The following NKAIN3 variants were observed in gnomAD, a reference collection of about 807,000 sequenced individuals.
NKAIN3 encodes the protein sodium/potassium transporting ATPase interacting 3.
Under a neutral mutation model 30.2 loss-of-function variants are expected in NKAIN3, and 25 were observed. The observed-to-expected ratio is 0.83, with a 90% CI of 0.60 to 1.16. NKAIN3 has a LOEUF of 1.16. Among genes scored for constraint, NKAIN3 ranks in the 50% most tolerant of loss-of-function variants. The probability of loss-of-function intolerance (pLI) is 0.00; values close to 1 mark genes in which losing one functional copy is unlikely to be tolerated. For synonymous variants in NKAIN3, 91 were observed against 89.6 expected, an observed-to-expected ratio of 1.02 and a Z score of -0.09; for missense variants, 225 against 254.1, an observed-to-expected ratio of 0.89 and a Z score of 0.78.
At chr8:62,694,107 T>C (rs570728022) in intron 3 of NKAIN3, among the ~76,000 whole-genome samples, 1 of 152,320 alleles carries the variant, frequency 6.6e-6, no homozygotes, top group South Asian at 2.1e-4. Context: ...ATCTTCTAGC[T>C]ATTTTGAGAT....
intron 3 of NKAIN3, among the ~76,000 whole-genome samples, chr8:62,610,091 A>T (rs1475645883): frequency 1.3e-5 from 2 of 152,118 alleles, no homozygotes; most frequent in Admixed American, 6.5e-5. Flanking sequence ...CATGCCTATA[A>T]TCCCAGCACT....
At chr8:62,642,236 C>T (rs868305292) in intron 3 of NKAIN3, among the ~76,000 whole-genome samples, 1 of 152,198 alleles carries the variant, frequency 6.6e-6, no homozygotes, top group South Asian at 2.1e-4. Flanking sequence ...GCTTGAGGTT[C>T]CTACATGTCA....
At chr8:62,525,584 T>A (rs1207461007) in intron 1 of NKAIN3, among the ~76,000 whole-genome samples, 1 of 152,160 alleles carries the variant, frequency 6.6e-6, no homozygotes, top group African/African-American at 2.4e-5. Context: ...AATCATTCTA[T>A]CATAAAGGCA....
At chr8:62,404,459 G>C (rs1340535679) in intron 1 of NKAIN3, among the ~76,000 whole-genome samples, 1 of 152,112 alleles carries the variant, frequency 6.6e-6, no homozygotes, top group African/African-American at 2.4e-5. Flanking sequence ...TTGAATCACT[G>C]GGGTGGTTTC....
chr8:62,713,971 A>G (rs1296591824), intron 3 of NKAIN3, among the ~76,000 whole-genome samples: 2 of 152,274 alleles, frequency 1.3e-5, no homozygotes, highest in Non-Finnish European at 2.9e-5. Context: ...ATTTATCCAG[A>G]TAGTATAATA....
chr8:62,670,372 C>T (rs942629598), intron 3 of NKAIN3, among the ~76,000 whole-genome samples: 1 of 152,084 alleles, frequency 6.6e-6, no homozygotes, highest in Admixed American at 6.6e-5. Flanking sequence ...ACTCAGTACC[C>T]GTGTCTTGAA....
At position 62,974,122 on chromosome 8, in the gene NKAIN3, T is replaced by G. The variant is rs7003391; in HGVS notation, c.*8715T>G. Reference sequence around the variant, plus strand: ...ATGATGCCTCCAGCTTTGTTCTTTTTGCTTAGGATTGTTTTGGCTATATGG... The same window carrying G: ...ATGATGCCTCCAGCTTTGTTCTTTTGGCTTAGGATTGTTTTGGCTATATGG... On this transcript the variant is annotated 3_prime_UTR_variant, in exon 7 of 7. Coordinates refer to ENST00000623646, the MANE Select transcript of NKAIN3 (RefSeq NM_001304533.3). 0.027 allele frequency among the ~76,000 whole-genome samples: 4,090 copies of G among 152,272 alleles called. 192 individuals carry two copies. The highest frequency in any genetic ancestry group is 0.093 in the African/African-American group (3,877 of 41,540).
intron 4 of NKAIN3, among the ~76,000 whole-genome samples, chr8:62,814,362 C>T (rs1818600740): frequency 6.6e-6 from 1 of 151,008 alleles, no homozygotes; most frequent in African/African-American, 2.4e-5. Flanking sequence ...TAAACATTAA[C>T]AATTTGGTTA....
rs138573312 is a variant in NKAIN3 at position 62,600,938 on chromosome 8, A to G, written c.273+11144A>G. 1.3e-3 allele frequency among the ~76,000 whole-genome samples: 201 copies of G among 152,090 alleles called. 2 individuals carry two copies. The highest frequency in any genetic ancestry group is 3.4e-3 in the African/African-American group (143 of 41,534). On this transcript the variant is annotated intron_variant, in intron 3 of 6. Coordinates refer to ENST00000623646, the MANE Select transcript of NKAIN3 (RefSeq NM_001304533.3). ...CTTACTGGGAAAATTTTTTGTCTTG[A>G]TCAAGATTCATTTTCCTTCAAGGTT... is the stretch of plus-strand genomic sequence containing the variant.
intron 4 of NKAIN3, among the ~76,000 whole-genome samples, chr8:62,802,113 A>G (rs1441801589): frequency 6.6e-6 from 1 of 152,202 alleles, no homozygotes; most frequent in African/African-American, 2.4e-5. Flanking sequence ...GAAATATGGA[A>G]CTATGTGAAA....
At chr8:62,707,030 C>A (rs910872441) in intron 3 of NKAIN3, among the ~76,000 whole-genome samples, 21 of 150,604 alleles carry the variant, frequency 1.4e-4, no homozygotes, top group African/African-American at 5.2e-4. Flanking sequence ...CTTTTTATGG[C>A]TGCATAGTAT....
intron 1 of NKAIN3, among the ~76,000 whole-genome samples, chr8:62,518,289 G>A (rs1238339846): frequency 6.6e-6 from 1 of 152,162 alleles, no homozygotes; most frequent in African/African-American, 2.4e-5. Flanking sequence ...GAACCCAAGA[G>A]GCAGAGGTTG....
At chr8:62,783,447 A>T (rs1421521763) in intron 4 of NKAIN3, among the ~76,000 whole-genome samples, 1 of 152,070 alleles carries the variant, frequency 6.6e-6, no homozygotes, top group Non-Finnish European at 1.5e-5. Context: ...GTTGCCTATA[A>T]GTCACCCAGT....
intron 1 of NKAIN3, among the ~76,000 whole-genome samples, chr8:62,461,591 A>G (rs1806002927): frequency 1.3e-5 from 2 of 152,232 alleles, no homozygotes; most frequent in Admixed American, 6.5e-5. Context: ...CTAAAGTGTA[A>G]GAATGATATC....
At chr8:62,698,155 T>G (rs1005648871) in intron 3 of NKAIN3, among the ~76,000 whole-genome samples, 4 of 151,964 alleles carry the variant, frequency 2.6e-5, no homozygotes, top group Non-Finnish European at 2.9e-5. Context: ...AAAGTAAAAA[T>G]GGGGAGAATA....
At position 62,764,174 on chromosome 8, in the gene NKAIN3, T is replaced by C. The variant is rs528813584; in HGVS notation, c.471+17045T>C. Reference sequence around the variant, plus strand: ...AGAGGAACTTTAAAATGGCAGTGCCTGTCCAAGATGGTGATGTTCCTGCTC... The same window carrying C: ...AGAGGAACTTTAAAATGGCAGTGCCCGTCCAAGATGGTGATGTTCCTGCTC... On this transcript the variant is annotated intron_variant, in intron 4 of 6. Coordinates refer to ENST00000623646, the MANE Select transcript of NKAIN3 (RefSeq NM_001304533.3). Among the ~76,000 whole-genome samples, 48 of 152,364 alleles carry C rather than the reference T, an allele frequency of 3.2e-4. No individual in the cohort carries two copies. The South Asian group carries it at 9.7e-3, about 31-fold the overall frequency.
chr8:62,831,753 T>C lies in NKAIN3; in HGVS notation c.471+84624T>C, dbSNP rs532141322. Among the ~76,000 whole-genome samples, 3 of 152,248 alleles carry C rather than the reference T, an allele frequency of 2.0e-5. No homozygotes were observed. The South Asian group carries it at 6.2e-4, about 32-fold the overall frequency. ...TAAAGTGACCAAATCTATGAATTAT[T>C]AGAATTCCTGAGAGAGGAGAATAAC... On this transcript the variant is annotated intron_variant, in intron 4 of 6. Transcript: ENST00000623646.
chr8:62,771,758 C>T (rs2130637359), intron 4 of NKAIN3, among the ~76,000 whole-genome samples: 2 of 151,970 alleles, frequency 1.3e-5, no homozygotes, highest in African/African-American at 4.8e-5. Context: ...AGGAGAAATT[C>T]TTTTTTATTT....
chr8:62,649,845 G>A (rs527597298), intron 3 of NKAIN3, among the ~76,000 whole-genome samples: 1 of 152,084 alleles, frequency 6.6e-6, no homozygotes, highest in Non-Finnish European at 1.5e-5. Flanking sequence ...CTGGGGGAAG[G>A]TTCCCCAGTG....
Sources: gnomAD v4.1 joint callset for allele counts (sites outside exome capture counted in the v4.1 genomes callset) on GRCh38, gnomAD v4.1.1 for gene constraint, MANE v1.5 for transcripts, NCBI Gene and HGNC (gene_info 2026-07-23, HGNC 2026-07-21) for gene names.